The following CSNK1G3 variants were observed in gnomAD, a reference collection of about 807,000 sequenced individuals.
CSNK1G3 encodes casein kinase I isoform gamma-3.
CSNK1G3 carries 23 observed loss-of-function variants against 64.3 expected under a neutral mutation model. The observed-to-expected ratio is 0.36, with a 90% CI of 0.26 to 0.51. The LOEUF is 0.51. CSNK1G3 is among the 20% of genes least tolerant of loss of function. The probability of loss-of-function intolerance (pLI) is 0.96; values close to 1 mark genes in which losing one functional copy is unlikely to be tolerated. For missense variants in CSNK1G3, 357 were observed against 510.5 expected (o/e 0.70, Z 2.90); for synonymous variants, 158 against 162.2 (o/e 0.97, Z 0.20).
chr5:123,569,152 T>C (rs377383899), intron 4 of CSNK1G3, among the ~76,000 whole-genome samples: 3 of 152,216 alleles, frequency 2.0e-5, no homozygotes, highest in South Asian at 4.1e-4. Flanking sequence ...TGCATACTTA[T>C]GCTTGCTTTG....
At chr5:123,590,515 G>A in exon 9 of CSNK1G3, 1 of 1,536,910 alleles carries the variant, frequency 6.5e-7, no homozygotes, top group South Asian at 1.3e-5. Context: ...GATCGAAAAG[G>A]ATATATGTTT....
intron 4 of CSNK1G3, among the ~76,000 whole-genome samples, chr5:123,568,244 A>T (rs1225251728): frequency 3.3e-5 from 5 of 152,106 alleles, no homozygotes; most frequent in Admixed American, 3.3e-4. Context: ...TTTCGCTGGG[A>T]TTCAGAAAGC....
At chr5:123,589,768 T>G (rs554776842) in intron 8 of CSNK1G3, among the ~76,000 whole-genome samples, 1 of 152,280 alleles carries the variant, frequency 6.6e-6, no homozygotes, top group African/African-American at 2.4e-5. Context: ...GGAATTATAA[T>G]AGCATGCAGA....
chr5:123,546,621 T>G (rs1782571361), intron 2 of CSNK1G3, among the ~76,000 whole-genome samples: 1 of 152,248 alleles, frequency 6.6e-6, no homozygotes, highest in Admixed American at 6.5e-5. Context: ...AAGTCAGTAT[T>G]CAGGTACCAG....
At chr5:123,545,587 T>G (rs1657507445) in exon 2 of CSNK1G3, 1 of 1,182,786 alleles carries the variant, frequency 8.5e-7, no homozygotes, top group Admixed American at 2.1e-5. Context: ...CCTAGTGATG[T>G]ACCTATTTTC....
intron 4 of CSNK1G3, among the ~76,000 whole-genome samples, chr5:123,562,845 A>C (rs1228064154): frequency 6.6e-6 from 1 of 152,040 alleles, no homozygotes; most frequent in Non-Finnish European, 1.5e-5. Context: ...GCCATCTAAA[A>C]TTAGTCACTT....
intron 1 of CSNK1G3, among the ~76,000 whole-genome samples, chr5:123,534,230 C>T (rs1780436491): frequency 6.6e-6 from 1 of 152,046 alleles, no homozygotes; most frequent in Admixed American, 6.6e-5. Flanking sequence ...TCTAATCCTT[C>T]TATTTTATAA....
chr5:123,614,362 G>A (rs748021955), exon 13 of CSNK1G3: 5 of 1,612,904 alleles, frequency 3.1e-6, no homozygotes, highest in South Asian at 2.2e-5. Flanking sequence ...TTTTTCAAAC[G>A]AAGGAAAAGG....
At chr5:123,581,312 A>G (rs1314318625) in intron 6 of CSNK1G3, among the ~76,000 whole-genome samples, 2 of 149,718 alleles carry the variant, frequency 1.3e-5, no homozygotes, top group Non-Finnish European at 3.0e-5. Flanking sequence ...ATTTGGAGAC[A>G]ATTTTATTTA....
intron 1 of CSNK1G3, among the ~76,000 whole-genome samples, chr5:123,518,153 G>A (rs1411001186): frequency 6.6e-6 from 1 of 152,154 alleles, no homozygotes; most frequent in Non-Finnish European, 1.5e-5. Context: ...GAATGCTGGG[G>A]TAGAGGAGAT....
chr5:123,513,131 T>C (rs1263917035), intron 1 of CSNK1G3, among the ~76,000 whole-genome samples: 1 of 152,166 alleles, frequency 6.6e-6, no homozygotes, highest in Non-Finnish European at 1.5e-5. Flanking sequence ...TACCTGTTTC[T>C]TAGAGCTTTG....
chr5:123,575,489 A>G (rs1035794678), intron 5 of CSNK1G3, among the ~76,000 whole-genome samples: 10 of 152,222 alleles, frequency 6.6e-5, no homozygotes, highest in African/African-American at 2.4e-4. Flanking sequence ...CTGATATGAA[A>G]GGAATTCATA....
chr5:123,589,196 C>T lies in CSNK1G3; in HGVS notation c.844+685C>T, dbSNP rs879724889. Reference sequence around the variant, plus strand: ...GAATTCCTATCTCACTTTAGTATTCCGTAGTTCTCCTGTATAATGCTGGCG... The same window carrying T: ...GAATTCCTATCTCACTTTAGTATTCTGTAGTTCTCCTGTATAATGCTGGCG... On this transcript the variant is annotated intron_variant, in intron 8 of 12. Coordinates refer to ENST00000345990, the Ensembl canonical transcript of CSNK1G3. 9.2e-5 allele frequency among the ~76,000 whole-genome samples: 14 copies of T among 152,126 alleles called. 1 individual carries two copies. Among genetic ancestry groups the T allele is most frequent in the Admixed American group, 4.6e-4 (7 of 15,252 alleles).
intron 4 of CSNK1G3, among the ~76,000 whole-genome samples, chr5:123,558,542 G>A (rs1252578231): frequency 6.6e-6 from 1 of 152,118 alleles, no homozygotes; most frequent in Non-Finnish European, 1.5e-5. Flanking sequence ...ACATTCTAGT[G>A]GGTAGAGCTG....
chr5:123,552,515 A>G (rs911908116), intron 2 of CSNK1G3, among the ~76,000 whole-genome samples: 22 of 152,166 alleles, frequency 1.4e-4, no homozygotes, highest in Non-Finnish European at 2.9e-5. Flanking sequence ...TTTAGCTTAT[A>G]TTTAACTCAA....
rs544752205 is a variant in CSNK1G3 at position 123,539,062 on chromosome 5, G to GGCCTC, written c.-247-6354_-247-6350dup. On this transcript the variant is annotated intron_variant, in intron 1 of 12. Transcript: ENST00000345990. ...TTTGCTTTGTTTCTCAGCCTGGCCTGGCCTCAAGCAATCCTCCAGGCTTTG... is the reference window on the plus strand; with the variant it reads ...TTTGCTTTGTTTCTCAGCCTGGCCTGGCCTCGCCTCAAGCAATCCTCCAGGCTTTG... Among the ~76,000 whole-genome samples, 17 of 152,124 alleles carry GGCCTC rather than the reference G, an allele frequency of 1.1e-4. No individual in the cohort carries two copies. The South Asian group carries it at 2.3e-3, about 20-fold the overall frequency.
chr5:123,600,383 T>C (rs1430591207), intron 10 of CSNK1G3, among the ~76,000 whole-genome samples: 4 of 152,040 alleles, frequency 2.6e-5, no homozygotes, highest in Admixed American at 6.6e-5. Context: ...CCCAGCACTT[T>C]GGGAGGCTGA....
At chr5:123,552,447 ATCT>A (rs1157537922) in intron 2 of CSNK1G3, among the ~76,000 whole-genome samples, 3 of 152,118 alleles carry the variant, frequency 2.0e-5, no homozygotes, top group African/African-American at 4.8e-5. Context: ...CCCGGCCATG[ATCT>A]TCTTCTGCTC....
Position 123,604,835 on chromosome 5 carries a change from G to A in CSNK1G3, c.1193+5G>A, listed in dbSNP as rs945524803. 6.3e-7 allele frequency: 1 copy of A among 1,584,562 alleles called. No homozygotes were observed. Among genetic ancestry groups the A allele is most frequent in the African/African-American group, 1.4e-5 (1 of 73,972 alleles). ...AGAAGTGATGGATGAAACCAAGTAT[G>A]TGTTTGTTTTACTTGTTTTAGTAAC... On this transcript the variant is annotated splice_donor_5th_base_variant and intron_variant, in intron 11 of 12. Transcript: ENST00000345990.
Sources: allele counts gnomAD v4.1 joint callset (sites outside exome capture counted in the v4.1 genomes callset), GRCh38; gene constraint gnomAD v4.1.1; transcripts MANE v1.5; gene names NCBI Gene and HGNC (gene_info 2026-07-23, HGNC 2026-07-21).